CD247: variants seen among roughly 807,000 people sequenced by gnomAD.
The protein encoded by CD247 is T-cell surface glycoprotein CD3 zeta chain.
A neutral mutation model predicts 30.0 loss-of-function variants in CD247; 13 were observed. That is an observed-to-expected ratio of 0.43 (90% CI 0.28 to 0.69). The LOEUF is 0.69. Ranked by LOEUF, CD247 falls within the 30% of genes least tolerant of loss-of-function variation. The probability of loss-of-function intolerance (pLI) is 0.16; values close to 1 mark genes in which losing one functional copy is unlikely to be tolerated. For missense variants in CD247, 193 were observed against 212.6 expected (o/e 0.91, Z 0.57); for synonymous variants, 72 against 80.0 (o/e 0.90, Z 0.53).
chr1:167,431,824 G>A lies in CD247; in HGVS notation c.430-78C>T, dbSNP rs1019308476. 8.1e-6 allele frequency: 10 copies of A among 1,231,220 alleles called. No homozygotes were observed. In the African/African-American group the frequency reaches 1.5e-4, roughly 18 times the overall value. The allele number at this position is 1,231,220 out of a possible 1,614,324, so 76.3% of individuals were successfully genotyped here. On this transcript the variant is annotated intron_variant, in intron 7 of 7. Coordinates refer to ENST00000362089, the MANE Select transcript of CD247 (RefSeq NM_198053.3). ...CAGGAGCCAACCCAGAGGCCAACAGGTGTCTCTGCAGCACAGCCCTGTGAC... is the reference window on the plus strand; with the variant it reads ...CAGGAGCCAACCCAGAGGCCAACAGATGTCTCTGCAGCACAGCCCTGTGAC...
intron 1 of CD247, among the ~76,000 whole-genome samples, chr1:167,443,731 C>G (rs549880085): frequency 2.6e-5 from 4 of 152,280 alleles, no homozygotes; most frequent in Admixed American, 2.6e-4. Flanking sequence ...TTTCTTCCTT[C>G]CCTCCTTCCT....
chr1:167,465,333 T>C (rs1330737799), intron 1 of CD247, among the ~76,000 whole-genome samples: 4 of 145,454 alleles, frequency 2.8e-5, no homozygotes, highest in South Asian at 2.3e-4. Flanking sequence ...TTTTCTTTTT[T>C]TTTTTTTTTT....
intron 1 of CD247, among the ~76,000 whole-genome samples, chr1:167,505,270 G>T (rs769381268): frequency 3.2e-4 from 49 of 151,846 alleles, no homozygotes; most frequent in South Asian, 2.7e-3. Flanking sequence ...AGCTTTTTTT[G>T]TTGTTGTTGT....
At chr1:167,465,327 C>CTTTTT (rs765176193) in intron 1 of CD247, among the ~76,000 whole-genome samples, 13 of 115,344 alleles carry the variant, frequency 1.1e-4, no homozygotes, top group South Asian at 2.9e-4. Context: ...TTTTCTTTTT[C>CTTTTT]TTTTTTTTTT....
intron 4 of CD247, 74 bp downstream of exon 4, chr1:167,438,496 G>A (rs1342567783): frequency 5.1e-6 from 6 of 1,183,100 alleles, no homozygotes; most frequent in Non-Finnish European, 6.4e-6. Flanking sequence ...GTGAGCTGAG[G>A]AGCCCTCCCC....
rs1056648649 is a variant in CD247, at chr1:167,494,690, T to G, written c.58+23718A>C. Among the ~76,000 whole-genome samples, 5 of 152,180 alleles carry G rather than the reference T, an allele frequency of 3.3e-5. No homozygotes were observed. The highest frequency in any genetic ancestry group is 7.3e-5 in the Non-Finnish European group (5 of 68,038). On this transcript the variant is annotated intron_variant, in intron 1 of 7. Transcript: ENST00000362089. The surrounding 1 kb of genome is among the most constrained non-coding windows in gnomAD (Gnocchi z 7.3). ...GGATTGTTAAAAGGATCAAAAAAGA[T>G]CATGAGTAGTGCATTCCTCGGCATT...
At chr1:167,466,062 G>C (rs1301971224) in intron 1 of CD247, among the ~76,000 whole-genome samples, 1 of 152,202 alleles carries the variant, frequency 6.6e-6, no homozygotes, top group Non-Finnish European at 1.5e-5. Context: ...CCTCTTTGGA[G>C]CTTTGCTCTT....
At chr1:167,476,420 A>G (rs1216227721) in intron 1 of CD247, among the ~76,000 whole-genome samples, 1 of 152,190 alleles carries the variant, frequency 6.6e-6, no homozygotes, top group Non-Finnish European at 1.5e-5. Context: ...TTCTTTCTTT[A>G]TCTATAAAAT....
chr1:167,432,905 C>T (rs1307324355), intron 7 of CD247, 119 bp downstream of exon 7: 15 of 1,104,696 alleles, frequency 1.4e-5, no homozygotes, highest in Non-Finnish European at 2.1e-5. Flanking sequence ...GTGCCTTGGG[C>T]TTGCCCTGCC....
chr1:167,431,842 C>A lies in CD247; in HGVS notation c.430-96G>T, dbSNP rs112835061. 1.9e-4 allele frequency: 189 copies of A among 1,006,226 alleles called. 1 individual carries two copies. The African/African-American group carries it at 2.7e-3, about 15-fold the overall frequency. 62.3% of individuals were successfully genotyped at this position (1,006,226 alleles called of 1,614,324 possible). On this transcript the variant is annotated intron_variant, in intron 7 of 7. Coordinates refer to ENST00000362089, the MANE Select transcript of CD247 (RefSeq NM_198053.3). ...CCAACAGGTGTCTCTGCAGCACAGC[C>A]CTGTGACCACCCACCCAGCCTCCAG...
At chr1:167,449,356 G>T (rs2102008223) in intron 1 of CD247, among the ~76,000 whole-genome samples, 1 of 151,294 alleles carries the variant, frequency 6.6e-6, no homozygotes, top group Admixed American at 6.6e-5. Flanking sequence ...GTTTCACCAT[G>T]TTGGCCAGGC....
intron 1 of CD247, among the ~76,000 whole-genome samples, chr1:167,488,582 G>A (rs568675949): frequency 1.3e-5 from 2 of 152,330 alleles, no homozygotes; most frequent in South Asian, 2.1e-4. Flanking sequence ...GACACTGAGG[G>A]GAACCGGATA....
chr1:167,432,968 T>A lies in CD247; in HGVS notation c.429+56A>T, dbSNP rs1651346388. On this transcript the variant is annotated intron_variant, in intron 7 of 7. Transcript: ENST00000362089. Reference sequence around the variant, plus strand: ...AGCAGGCAAAATGTGGGGGCCTTGATCTTGCCCCTTGTCAGGTGGTGCCCC... The same window carrying A: ...AGCAGGCAAAATGTGGGGGCCTTGAACTTGCCCCTTGTCAGGTGGTGCCCC... 2.5e-6 allele frequency: 4 copies of A among 1,593,386 alleles called. No homozygotes were observed. The South Asian group carries it at 4.4e-5, about 18-fold the overall frequency.
rs868307445 is a variant in CD247 at position 167,440,676 on chromosome 1, G to A, written c.150C>T (p.Phe50=). 6.2e-7 allele frequency: 1 copy of A among 1,611,832 alleles called. No individual in the cohort carries two copies. Residue 50 remains phenylalanine (F), a synonymous_variant, in exon 2 of 8, where the codon TTC becomes TTT. Coordinates refer to ENST00000362089, the MANE Select transcript of CD247 (RefSeq NM_198053.3). ...CAGTGGTACCCACCTTCACTCTCAG[G>A]AACAAGGCAGTGAGAATGACACCAT... ...FIYGVILTAL[F]LRVKFSRSAD... is the part of the protein sequence containing the mutation.
At chr1:167,484,288 C>A (rs906294722) in intron 1 of CD247, among the ~76,000 whole-genome samples, 1 of 152,216 alleles carries the variant, frequency 6.6e-6, no homozygotes, top group Non-Finnish European at 1.5e-5. Context: ...CCCTCTGTTT[C>A]CTCCTCTTCC....
chr1:167,488,496 A>G (rs1654307623), intron 1 of CD247, among the ~76,000 whole-genome samples: 1 of 152,144 alleles, frequency 6.6e-6, no homozygotes, highest in Admixed American at 6.5e-5. Context: ...AACCAACCTA[A>G]CAGGACTCTA....
chr1:167,433,091 T>G (rs1651356839), intron 6 of CD247, 32 bp from the exon 7 acceptor site: 1 of 1,613,196 alleles, frequency 6.2e-7, no homozygotes, highest in Admixed American at 1.7e-5. Context: ...GAGAAAAGGA[T>G]TAGAAAGTCA....
intron 1 of CD247, among the ~76,000 whole-genome samples, chr1:167,498,922 G>A (rs1458721467): frequency 6.6e-6 from 1 of 152,164 alleles, no homozygotes; most frequent in African/African-American, 2.4e-5. Flanking sequence ...TCCTTGGGAA[G>A]AACCATCCCA....
intron 1 of CD247, among the ~76,000 whole-genome samples, chr1:167,515,559 G>A (rs779613715): frequency 3.3e-5 from 5 of 152,112 alleles, no homozygotes; most frequent in Non-Finnish European, 7.4e-5. Context: ...TTTTTACTTC[G>A]GGAGAATATT....
Sources: allele counts gnomAD v4.1 joint callset (sites outside exome capture counted in the v4.1 genomes callset), GRCh38; gene constraint gnomAD v4.1.1; non-coding constraint Gnocchi (gnomAD v3.1); transcripts MANE v1.5; gene names NCBI Gene and HGNC (gene_info 2026-07-23, HGNC 2026-07-21).